Variants in COL23A1 observed in about 807,000 individuals in gnomAD.
The protein encoded by COL23A1 is collagen alpha-1(XXIII) chain.
Under a neutral mutation model 99.3 loss-of-function variants are expected in COL23A1, and 97 were observed. That is an observed-to-expected ratio of 0.98 (90% CI 0.83 to 1.16). The LOEUF (loss-of-function observed/expected upper bound fraction) is 1.16. Ranked by LOEUF, COL23A1 falls within the 50% of genes most tolerant of loss-of-function variation. COL23A1 has a pLI of 0.00. For synonymous variants in COL23A1, 320 were observed against 308.2 expected, an observed-to-expected ratio of 1.04 and a Z score of -0.40; for missense variants, 762 against 757.4, an observed-to-expected ratio of 1.01 and a Z score of -0.07.
At position 178,281,798 on chromosome 5, in the gene COL23A1, C is replaced by G. The variant is rs960102840; in HGVS notation, c.441+6526G>C. On this transcript the variant is annotated intron_variant, in intron 5 of 28. Transcript: ENST00000390654. The surrounding 1 kb of genome is among the most constrained non-coding windows in gnomAD (Gnocchi z 4.0). The stretch of plus-strand genomic sequence containing the variant: ...GGATTGGCAGCTCATGCCTGTAATC[C>G]TAGCACTTTGGGAGGCCGAGGTGGT... 6.6e-6 allele frequency among the ~76,000 whole-genome samples: 1 copy of G among 152,024 alleles called. No individual in the cohort carries two copies. Among genetic ancestry groups the G allele is most frequent in the South Asian group, 2.1e-4 (1 of 4,816 alleles).
At chr5:178,510,900 G>A (rs907525884) in intron 2 of COL23A1, among the ~76,000 whole-genome samples, 2 of 151,974 alleles carry the variant, frequency 1.3e-5, no homozygotes, top group Admixed American at 6.6e-5. Flanking sequence ...TCCATTTGAC[G>A]GACTCCCACG....
intron 1 of COL23A1, among the ~76,000 whole-genome samples, chr5:178,563,027 C>G (rs1299501914): frequency 6.6e-6 from 1 of 152,244 alleles, no homozygotes; most frequent in Non-Finnish European, 1.5e-5. Flanking sequence ...CCACTGCACC[C>G]AGGAAGTCCA....
intron 2 of COL23A1, among the ~76,000 whole-genome samples, chr5:178,425,168 A>G (rs1025536804): frequency 1.3e-5 from 2 of 152,232 alleles, no homozygotes; most frequent in Non-Finnish European, 2.9e-5. Context: ...CATGCCTGTA[A>G]TCCCAGCACT....
intron 2 of COL23A1, among the ~76,000 whole-genome samples, chr5:178,388,115 T>C (rs1763772578): frequency 6.6e-6 from 1 of 152,162 alleles, no homozygotes; most frequent in Non-Finnish European, 1.5e-5. Context: ...GATGTAAAGT[T>C]CCCAGCCTCA....
At chr5:178,498,772 C>T (rs541302362) in intron 2 of COL23A1, among the ~76,000 whole-genome samples, 24 of 152,026 alleles carry the variant, frequency 1.6e-4, no homozygotes, top group South Asian at 8.3e-4. Context: ...ACATGCCTAA[C>T]GCATAAAGGA....
chr5:178,246,730 G>T (rs1376241016), intron 22 of COL23A1, among the ~76,000 whole-genome samples: 6 of 1,378 alleles, frequency 4.4e-3, no homozygotes, highest in East Asian at 0.019. Context: ...ACGGGGGGCG[G>T]GGGGGGGGGG....
intron 2 of COL23A1, among the ~76,000 whole-genome samples, 165 bp downstream of exon 2, chr5:178,560,517 C>A (rs1034649320): frequency 1.3e-5 from 2 of 152,196 alleles, no homozygotes; most frequent in African/African-American, 4.8e-5. Flanking sequence ...TGGAAACCGA[C>A]CAGAGAGCCT....
rs1762433809 is a variant in COL23A1 at position 178,365,658 on chromosome 5, CTT to C, written c.362-58741_362-58740del. On this transcript the variant is annotated intron_variant, in intron 2 of 28. Transcript: ENST00000390654. This position sits in a 1 kb window ranked among gnomAD's most constrained non-coding sequence, Gnocchi z 5.2. ...CCGCCAGGCATGCAGTGGCCCCTCTCTTCTCCTCGACAACTGCGTGCTGTTCC... is the reference window on the plus strand; with the variant it reads ...CCGCCAGGCATGCAGTGGCCCCTCTCCTCCTCGACAACTGCGTGCTGTTCC... Among the ~76,000 whole-genome samples the C allele has an allele frequency of 3.3e-5, 5 of 152,330 alleles. No homozygotes were observed. In the South Asian group the frequency reaches 1.0e-3, roughly 32 times the overall value.
At chr5:178,421,262 G>A (rs1765620398) in intron 2 of COL23A1, among the ~76,000 whole-genome samples, 1 of 152,176 alleles carries the variant, frequency 6.6e-6, no homozygotes, top group African/African-American at 2.4e-5. Context: ...TATAGGAGAA[G>A]AGCAACACGT....
intron 3 of COL23A1, among the ~76,000 whole-genome samples, chr5:178,297,825 A>G (rs2973782): frequency 0.8 from 121,285 of 152,086 alleles, 48,538 homozygotes; most frequent in Non-Finnish European, 0.84. Flanking sequence ...GGGCAAGAGC[A>G]CCTGGAGGCC....
At chr5:178,562,743 G>GGGCGGGGT (rs1480993197) in intron 1 of COL23A1, 1 of 143,282 alleles carries the variant, frequency 7.0e-6, no homozygotes, top group East Asian at 2.0e-4. Flanking sequence ...TGGTGGGGGG[G>GGGCGGGGT]GTGCGGGCTT....
chr5:178,585,318 G>T (rs982684344), intron 1 of COL23A1, among the ~76,000 whole-genome samples: 4 of 151,204 alleles, frequency 2.6e-5, no homozygotes, highest in Non-Finnish European at 4.4e-5. Context: ...TGACCCTGGG[G>T]TAACACTTGT....
At chr5:178,435,472 C>T (rs1766506072) in intron 2 of COL23A1, among the ~76,000 whole-genome samples, 1 of 152,218 alleles carries the variant, frequency 6.6e-6, no homozygotes, top group African/African-American at 2.4e-5. Flanking sequence ...AAAGGCAGCC[C>T]AGCCCTGGGG....
intron 2 of COL23A1, among the ~76,000 whole-genome samples, chr5:178,504,778 C>T (rs1254965934): frequency 2.6e-5 from 4 of 152,184 alleles, no homozygotes; most frequent in African/African-American, 9.7e-5. Context: ...AGGGGGTGGC[C>T]AGCACTGCTC....
chr5:178,548,493 G>A (rs1187660298), intron 2 of COL23A1, among the ~76,000 whole-genome samples: 1 of 150,912 alleles, frequency 6.6e-6, no homozygotes, highest in African/African-American at 2.4e-5. Flanking sequence ...CCCTCACTCA[G>A]TCCACCTCCA....
chr5:178,241,195 TG>T (rs1581428310), intron 27 of COL23A1, among the ~76,000 whole-genome samples: 1 of 152,036 alleles, frequency 6.6e-6, no homozygotes, highest in East Asian at 1.9e-4. Flanking sequence ...CGCTCCAGCC[TG>T]GGCGACAGAG....
rs1160217011 is a variant in COL23A1, at chr5:178,246,462, A to C, written c.1297-9T>G. On this transcript the variant is annotated splice_polypyrimidine_tract_variant and intron_variant, in intron 22 of 28. Transcript: ENST00000390654. ...TTTGCTCCATCCAAGCCCTGGAGGC[A>C]AAGGAGGGAAATCAGTCAAGGGGAA... The C allele has an allele frequency of 6.4e-7, 1 of 1,560,588 alleles. No individual in the cohort carries two copies. The highest frequency in any genetic ancestry group is 1.9e-5 in the Admixed American group (1 of 52,072).
At chr5:178,347,575 T>C (rs1282388990) in intron 2 of COL23A1, among the ~76,000 whole-genome samples, 1 of 151,382 alleles carries the variant, frequency 6.6e-6, no homozygotes, top group Non-Finnish European at 1.5e-5. Context: ...TTATGTTGTG[T>C]TATATCTCTA....
At chr5:178,292,650 G>A (rs1757523333) in intron 3 of COL23A1, among the ~76,000 whole-genome samples, 1 of 152,180 alleles carries the variant, frequency 6.6e-6, no homozygotes. Flanking sequence ...GGGGAGAGAG[G>A]ACAGTGGCTC....
Sources: allele counts gnomAD v4.1 joint callset (sites outside exome capture counted in the v4.1 genomes callset), GRCh38; gene constraint gnomAD v4.1.1; non-coding constraint Gnocchi (gnomAD v3.1); transcripts MANE v1.5; gene names NCBI Gene and HGNC (gene_info 2026-07-23, HGNC 2026-07-21).